Variants in ITPK1 observed in about 807,000 individuals in gnomAD.
The protein encoded by ITPK1 is inositol-tetrakisphosphate 1-kinase, also known as inositol 1,3,4-trisphosphate 5/6-kinase.
In ITPK1, 21 loss-of-function variants were observed where a neutral mutation model predicts 45.3. The observed-to-expected ratio is 0.46, with a 90% confidence interval of 0.33 to 0.67. The LOEUF (loss-of-function observed/expected upper bound fraction) is 0.67. Ranked by LOEUF, ITPK1 falls within the 30% of genes least tolerant of loss-of-function variation. ITPK1 has a pLI of 0.02. For synonymous variants in ITPK1, 258 were observed against 253.6 expected (o/e 1.02, Z -0.16); for missense variants, 474 against 573.5 (o/e 0.83, Z 1.77).
chr14:93,021,604 G>GAAAAGA lies in ITPK1; in HGVS notation c.121-4809_121-4804dup, dbSNP rs1220856078. Among the ~76,000 whole-genome samples the GAAAAGA allele has an allele frequency of 1.4e-4, 19 of 133,398 alleles. No individual in the cohort carries two copies. In the South Asian group the frequency reaches 2.8e-3, roughly 19 times the overall value. The allele number at this position is 133,398 out of a possible 152,430, so 87.5% of individuals were successfully genotyped here. A position where few individuals can be genotyped will look rare whatever the true frequency, so the allele number is the denominator to read the frequency against. On this transcript the variant is annotated intron_variant, in intron 3 of 10. Transcript: ENST00000267615. The stretch of plus-strand genomic sequence containing the variant: ...TGAGACCCTGTCTCAAAAAAAAAAA[G>GAAAAGA]AAAAGAAAAAGAAAAAGAAACGAGC...
chr14:92,970,461 T>C (rs973894355), intron 5 of ITPK1, among the ~76,000 whole-genome samples: 1 of 152,184 alleles, frequency 6.6e-6, no homozygotes, highest in Admixed American at 6.5e-5. Context: ...ACCCCAGCTA[T>C]GTGTGCCTCC....
In ITPK1 at chr14:93,100,537, GGAGAGA is replaced by G. The variant is rs369481573; in HGVS notation, c.95+14526_95+14531del. ...GGAGGGGGCCGGGGGGAGAGAGGAG[GGAGAGA>G]GAGAGAGAGAGAGACAGAGAGAGAG... On this transcript the variant is annotated intron_variant, in intron 2 of 10. Coordinates refer to ENST00000267615, the MANE Select transcript of ITPK1 (RefSeq NM_014216.6). Among the ~76,000 whole-genome samples, 60 of 148,134 alleles carry G rather than the reference GGAGAGA, an allele frequency of 4.1e-4. No homozygotes were observed. The Middle Eastern group carries it at 0.011, about 26-fold the overall frequency.
At chr14:93,048,089 C>A (rs1889857521) in intron 3 of ITPK1, among the ~76,000 whole-genome samples, 1 of 152,196 alleles carries the variant, frequency 6.6e-6, no homozygotes, top group African/African-American at 2.4e-5. Context: ...TACTTACAAC[C>A]TGAAGAGGCT....
intron 3 of ITPK1, among the ~76,000 whole-genome samples, chr14:93,024,465 A>G (rs61109235): frequency 0.056 from 8,523 of 152,280 alleles, 451 homozygotes; most frequent in African/African-American, 0.13. Flanking sequence ...AGGGCCAGCC[A>G]TCGATTACCT....
At chr14:92,986,447 AAC>A (rs1337419011) in intron 5 of ITPK1, among the ~76,000 whole-genome samples, 1 of 152,210 alleles carries the variant, frequency 6.6e-6, no homozygotes, top group Non-Finnish European at 1.5e-5. Flanking sequence ...CCCAAAGACA[AAC>A]AGTCTGTTCA....
chr14:93,115,522 G>A (rs1220763358), intron 1 of ITPK1, among the ~76,000 whole-genome samples: 1 of 150,050 alleles, frequency 6.7e-6, no homozygotes, highest in African/African-American at 2.4e-5. Flanking sequence ...GTCGGAGCTG[G>A]GGCCAGGGCC....
At chr14:93,019,012 A>G (rs1157414137) in intron 3 of ITPK1, among the ~76,000 whole-genome samples, 1 of 152,136 alleles carries the variant, frequency 6.6e-6, no homozygotes, top group Non-Finnish European at 1.5e-5. Flanking sequence ...ACTCCACCCA[A>G]TACCTCTTCC....
intron 3 of ITPK1, among the ~76,000 whole-genome samples, chr14:93,044,797 G>A (rs557428181): frequency 1.3e-5 from 2 of 152,334 alleles, no homozygotes; most frequent in African/African-American, 4.8e-5. Context: ...AGCAAAGGAG[G>A]AAGAGGAAGA....
At chr14:93,017,858 C>G (rs538652148) in intron 3 of ITPK1, among the ~76,000 whole-genome samples, 1 of 152,252 alleles carries the variant, frequency 6.6e-6, no homozygotes. Flanking sequence ...TCAAAGCTTG[C>G]GTGCATTTCT....
At chr14:93,086,983 G>C (rs1310378864) in intron 2 of ITPK1, among the ~76,000 whole-genome samples, 1 of 152,232 alleles carries the variant, frequency 6.6e-6, no homozygotes, top group African/African-American at 2.4e-5. Flanking sequence ...CCTTGACCCT[G>C]ACCCAGTCCC....
chr14:92,981,499 C>A (rs1392414302), intron 5 of ITPK1, among the ~76,000 whole-genome samples: 1 of 152,224 alleles, frequency 6.6e-6, no homozygotes, highest in East Asian at 1.9e-4. Flanking sequence ...ACAACCAGGA[C>A]CACCCCTTCC....
chr14:92,983,813 G>A (rs1236996942), intron 5 of ITPK1, among the ~76,000 whole-genome samples: 1 of 143,832 alleles, frequency 7.0e-6, no homozygotes, highest in Non-Finnish European at 1.5e-5. Flanking sequence ...CTGCAGCCCA[G>A]TTTGTTTAAA....
At chr14:93,035,264 G>A (rs765938993) in intron 3 of ITPK1, among the ~76,000 whole-genome samples, 13 of 152,260 alleles carry the variant, frequency 8.5e-5, no homozygotes, top group Non-Finnish European at 1.8e-4. Context: ...GGGCAGACAT[G>A]GTTGGCAGTT....
Position 92,939,021 on chromosome 14 carries a change from G to A in ITPK1, c.*2540C>T, listed in dbSNP as rs774527508. ...AGGCACTGCAGGGCGCAGAGCCAAC[G>A]TGCTGACCAACTCAGAAGCAGAAGC... On this transcript the variant is annotated 3_prime_UTR_variant, in exon 11 of 11. Transcript: ENST00000267615. 2.5e-5 allele frequency: 4 copies of A among 161,576 alleles called. No homozygotes were observed. Among genetic ancestry groups the A allele is most frequent in the East Asian group, 1.8e-4 (1 of 5,460 alleles). The allele number at this position is 161,576 out of a possible 1,614,324, so 10.0% of individuals were successfully genotyped here.
intron 9 of ITPK1, among the ~76,000 whole-genome samples, chr14:92,949,914 TG>T (rs1887878297): frequency 2.0e-5 from 3 of 152,174 alleles, no homozygotes; most frequent in Non-Finnish European, 4.4e-5. Flanking sequence ...AAGGCGTTCA[TG>T]GGTCCCCAGT....
chr14:92,946,864 C>A (rs1184138280), intron 9 of ITPK1, among the ~76,000 whole-genome samples: 1 of 152,242 alleles, frequency 6.6e-6, no homozygotes, highest in Non-Finnish European at 1.5e-5. Flanking sequence ...AAACCAAAGC[C>A]TTTTAACAGG....
At chr14:92,972,931 C>T (rs754404977) in intron 5 of ITPK1, among the ~76,000 whole-genome samples, 2 of 152,194 alleles carry the variant, frequency 1.3e-5, no homozygotes, top group Non-Finnish European at 2.9e-5. Context: ...CCAGCCAAAC[C>T]CTTGTGCCAG....
intron 5 of ITPK1, among the ~76,000 whole-genome samples, chr14:92,976,365 C>G (rs1257250917): frequency 6.6e-6 from 1 of 152,212 alleles, no homozygotes; most frequent in African/African-American, 2.4e-5. Context: ...GCCAGAGAGG[C>G]TGTCTTTCTC....
At chr14:93,010,025 G>A (rs973293292) in intron 4 of ITPK1, among the ~76,000 whole-genome samples, 1 of 152,194 alleles carries the variant, frequency 6.6e-6, no homozygotes, top group Non-Finnish European at 1.5e-5. Context: ...GGGGACCAAA[G>A]ACATAAGAGA....
Sources: allele counts gnomAD v4.1 joint callset (sites outside exome capture counted in the v4.1 genomes callset), GRCh38; gene constraint gnomAD v4.1.1; transcripts MANE v1.5; gene names NCBI Gene and HGNC (gene_info 2026-07-23, HGNC 2026-07-21).